The following DMD variants were observed in gnomAD, a reference collection of about 807,000 sequenced individuals.
The protein encoded by DMD is dystrophin.
In DMD, 63 loss-of-function variants were observed where a neutral mutation model predicts 330.1. The ratio of observed to expected loss-of-function variants is 0.19; its 90% CI spans 0.16 to 0.24. The LOEUF (loss-of-function observed/expected upper bound fraction) is 0.24, where lower values mean the gene tolerates loss of function less well. DMD is among the 10% of genes least tolerant of loss of function. DMD has a pLI of 1.00. For synonymous variants in DMD, 1,223 were observed against 959.8 expected (o/e 1.27, Z -5.07); for missense variants, 3,344 against 2,684.1 (o/e 1.25, Z -5.43).
At chrX:33,102,307 GT>G (rs2095246800) in intron 1 of DMD, among the ~76,000 whole-genome samples, 3 of 40,755 alleles carry the variant, frequency 7.4e-5, no homozygotes, top group Non-Finnish European at 1.1e-4. Context: ...CAGAAGGCTG[GT>G]TTTTTTTGTT....
chrX:33,212,458 A>G (rs1203316001), upstream of DMD, among the ~76,000 whole-genome samples: 1 of 111,803 alleles, frequency 8.9e-6, no homozygotes, highest in African/African-American at 3.2e-5. Context: ...AAATTGATAG[A>G]AAACATTGGA....
At position 32,220,915 on chromosome X, in the gene DMD, AT is replaced by A. The variant is rs1453617117; in HGVS notation, c.6291-3853del. 5.4e-5 allele frequency among the ~76,000 whole-genome samples: 6 copies of A among 111,742 alleles called. No homozygotes were observed. The South Asian group carries it at 1.8e-3, about 34-fold the overall frequency. On this transcript the variant is annotated intron_variant, in intron 43 of 78. Coordinates refer to ENST00000357033, the MANE Select transcript of DMD (RefSeq NM_004006.3). ...ATGGAACTTAACAAAGGGCAAAAAA[AT>A]GTCAGTATAAACATAAGGATAATAA...
chrX:33,019,759 G>T (rs1394598592), intron 2 of DMD, among the ~76,000 whole-genome samples: 1 of 110,979 alleles, frequency 9.0e-6, no homozygotes, highest in East Asian at 2.8e-4. Flanking sequence ...TCTTGAACTT[G>T]GTAAAGACCA....
chrX:32,336,016 C>A (rs1372085340), intron 41 of DMD, among the ~76,000 whole-genome samples: 1 of 91,017 alleles, frequency 1.1e-5, no homozygotes, highest in African/African-American at 4.5e-5. Context: ...TTATATATAA[C>A]GTGTATATAT....
intron 76 of DMD, among the ~76,000 whole-genome samples, chrX:31,139,282 G>C (rs2035736410): frequency 9.0e-6 from 1 of 111,314 alleles, no homozygotes; most frequent in Non-Finnish European, 1.9e-5. Flanking sequence ...CTAAAATGTA[G>C]AACTACCATT....
chrX:31,457,599 A>G (rs1304478329), intron 59 of DMD, among the ~76,000 whole-genome samples: 1 of 112,182 alleles, frequency 8.9e-6, no homozygotes, highest in Admixed American at 9.5e-5. Context: ...ATAATATTGC[A>G]GATAGCAGTC....
chrX:32,554,857 AGAGAGAGAGAGAG>A (rs2050027281), intron 16 of DMD, among the ~76,000 whole-genome samples: 1 of 69,541 alleles, frequency 1.4e-5, no homozygotes, highest in Non-Finnish European at 3.1e-5. Context: ...AGAGAGAGAG[AGAGAGAGAGAGAG>A]AAGGAAAGAA....
intron 17 of DMD, 78 bp from the exon 18 acceptor site, chrX:32,518,209 T>C (rs188697841): frequency 1.2e-4 from 116 of 986,830 alleles, no homozygotes; most frequent in African/African-American, 9.8e-4. Flanking sequence ...TTTATCCACA[T>C]TTATCATTCT....
chrX:32,319,747 T>C (rs181528619), intron 41 of DMD, among the ~76,000 whole-genome samples: 1 of 110,937 alleles, frequency 9.0e-6, no homozygotes, highest in Non-Finnish European at 1.9e-5. Context: ...GGTAATGACA[T>C]ATAGACGATA....
chrX:32,653,493 C>A (rs1356404214), intron 9 of DMD, among the ~76,000 whole-genome samples: 4 of 111,372 alleles, frequency 3.6e-5, no homozygotes, highest in Non-Finnish European at 7.5e-5. Flanking sequence ...TTTCTGAGGG[C>A]TTTGTTCTGT....
At chrX:32,991,260 T>C (rs1212479817) in intron 2 of DMD, among the ~76,000 whole-genome samples, 4 of 83,911 alleles carry the variant, frequency 4.8e-5, no homozygotes, top group Non-Finnish European at 1.0e-4. Flanking sequence ...GGATTTGATT[T>C]CTCTTATATT....
intron 52 of DMD, among the ~76,000 whole-genome samples, chrX:31,688,401 T>C (rs1251179440): frequency 4.4e-4 from 49 of 110,897 alleles, no homozygotes; most frequent in African/African-American, 1.5e-3. Context: ...CACATACACC[T>C]TCCCAAGACT....
chrX:32,261,040 G>T (rs765472268), intron 43 of DMD, among the ~76,000 whole-genome samples: 3 of 111,823 alleles, frequency 2.7e-5, no homozygotes, highest in Non-Finnish European at 5.6e-5. Flanking sequence ...ACATAAAATT[G>T]TAAAGCCTTA....
chrX:31,522,363 C>CTCTATATATATATA lies in DMD; in HGVS notation c.8218-14911_8218-14910insTATATATATATAGA. Among the ~76,000 whole-genome samples the CTCTATATATATATA allele has an allele frequency of 6.6e-3, 237 of 35,945 alleles. 5 individuals are homozygous for CTCTATATATATATA. The highest frequency in any genetic ancestry group is 8.4e-3 in the Non-Finnish European group (202 of 23,959). 31.2% of individuals were successfully genotyped at this position (35,945 alleles called of 115,157 possible). A position where few individuals can be genotyped will look rare whatever the true frequency, so the allele number is the denominator to read the frequency against. On this transcript the variant is annotated intron_variant, in intron 55 of 78. Transcript: ENST00000357033. Reference sequence around the variant, plus strand: ...TCTCTCTCTCTCTCTCTCTCTCTCTCTATATATATATATATATATATATAG... The same window carrying CTCTATATATATATA: ...TCTCTCTCTCTCTCTCTCTCTCTCTCTCTATATATATATATATATATATATATATATATATATAG...
intron 44 of DMD, among the ~76,000 whole-genome samples, chrX:31,995,037 C>G (rs759291234): frequency 2.7e-5 from 3 of 111,993 alleles, no homozygotes; most frequent in Non-Finnish European, 3.8e-5. Flanking sequence ...CTGGGCAATA[C>G]GAGAAGGCTC....
intron 4 of DMD, among the ~76,000 whole-genome samples, chrX:32,830,251 C>T (rs993445926): frequency 2.7e-5 from 3 of 111,203 alleles, no homozygotes; most frequent in African/African-American, 9.8e-5. Context: ...GTACTATTTC[C>T]TCTTAAATAA....
intron 7 of DMD, among the ~76,000 whole-genome samples, chrX:32,723,017 A>G (rs956663073): frequency 9.0e-6 from 1 of 111,030 alleles, no homozygotes; most frequent in Admixed American, 9.7e-5. Flanking sequence ...TCTTAAGGGG[A>G]AAGCTTTCAG....
intron 13 of DMD, among the ~76,000 whole-genome samples, chrX:32,590,345 T>C (rs2054759208): frequency 1.8e-5 from 2 of 111,993 alleles, no homozygotes; most frequent in Admixed American, 1.9e-4. Flanking sequence ...TTCTTGAAAA[T>C]AGAATACTTG....
intron 66 of DMD, among the ~76,000 whole-genome samples, 166 bp from the exon 67 acceptor site, chrX:31,204,284 T>C (rs1368762845): frequency 1.8e-5 from 2 of 112,608 alleles, no homozygotes; most frequent in Non-Finnish European, 1.9e-5. Flanking sequence ...ATTATTTTTA[T>C]GAATCAAGTT....
Sources: allele counts gnomAD v4.1 joint callset (sites outside exome capture counted in the v4.1 genomes callset), GRCh38; gene constraint gnomAD v4.1.1; transcripts MANE v1.5; gene names NCBI Gene and HGNC (gene_info 2026-07-23, HGNC 2026-07-21).